SPRY3: variants seen among roughly 807,000 people sequenced by gnomAD.
The protein encoded by SPRY3 is sprouty RTK signaling antagonist 3, also known as protein sprouty homolog 3.
In SPRY3, 15 loss-of-function variants were observed where a neutral mutation model predicts 20.2. That is an observed-to-expected ratio of 0.74 (90% confidence interval 0.50 to 1.14). The LOEUF (loss-of-function observed/expected upper bound fraction) is 1.14. Among genes scored for constraint, SPRY3 ranks in the 50% most tolerant of loss-of-function variants. SPRY3 has a pLI of 0.00. For synonymous variants in SPRY3, 143 were observed against 136.5 expected, an observed-to-expected ratio of 1.05 and a Z score of -0.33; for missense variants, 364 against 363.9, an observed-to-expected ratio of 1.00 and a Z score of 0.00.
At position 155,653,898 on chromosome X, in the gene SPRY3, A is replaced by G. The variant is rs781861720; in HGVS notation, c.-440-2969A>G. Among the ~76,000 whole-genome samples the G allele has an allele frequency of 5.5e-4, 61 of 111,815 alleles. 1 individual carries two copies. The highest frequency in any genetic ancestry group is 3.0e-3 in the Admixed American group (32 of 10,549). ...TTACATATGGGGATTTCTCCACACC[A>G]ACAATCTATTCTCCTGTGGACACCC... On this transcript the variant is annotated intron_variant, in intron 1 of 3. Transcript: ENST00000675360.
At chrX:155,709,795 A>T (rs2090974028) in intron 2 of SPRY3, among the ~76,000 whole-genome samples, 1 of 151,650 alleles carries the variant, frequency 6.6e-6, no homozygotes, top group Admixed American at 6.6e-5. Flanking sequence ...TCATAAGTTT[A>T]GTCTTAGATT....
intron 1 of SPRY3, among the ~76,000 whole-genome samples, chrX:155,654,429 A>G (rs2067985676): frequency 9.0e-6 from 1 of 111,271 alleles, no homozygotes. Flanking sequence ...TCACCTGAAT[A>G]GTGGCTCTTA....
Position 155,656,015 on chromosome X carries a change from T to G in SPRY3, c.-440-852T>G, listed in dbSNP as rs782798222. On this transcript the variant is annotated intron_variant, in intron 1 of 3. Coordinates refer to ENST00000675360, the Ensembl canonical transcript of SPRY3. ...ATGTAGGTAACCTGACCTTTCTCTC[T>G]GGCTGCCCTTAACATTTTTTCCTGG... is the stretch of plus-strand genomic sequence containing the variant. 3.6e-5 allele frequency among the ~76,000 whole-genome samples: 4 copies of G among 112,187 alleles called. No individual in the cohort carries two copies. In the South Asian group the frequency reaches 1.5e-3, roughly 41 times the overall value.
intron 1 of SPRY3, among the ~76,000 whole-genome samples, chrX:155,623,452 T>C (rs1557349630): frequency 1.8e-5 from 2 of 112,149 alleles, no homozygotes; most frequent in Non-Finnish European, 3.8e-5. Flanking sequence ...TTCTTAGAAT[T>C]ATAGAATTTT....
chrX:155,634,103 C>T (rs899431967), intron 1 of SPRY3, among the ~76,000 whole-genome samples: 3 of 110,058 alleles, frequency 2.7e-5, no homozygotes, highest in Admixed American at 1.9e-4. Flanking sequence ...CAGAATCTAT[C>T]GCTTCGGTGA....
intron 2 of SPRY3, among the ~76,000 whole-genome samples, chrX:155,742,072 C>A (rs932429596): frequency 1.3e-5 from 2 of 152,066 alleles, no homozygotes; most frequent in African/African-American, 4.8e-5. Flanking sequence ...AGAGTGAAGA[C>A]CCATCAGTAT....
At chrX:155,749,751 G>T (rs2091250777) in intron 2 of SPRY3, among the ~76,000 whole-genome samples, 1 of 151,868 alleles carries the variant, frequency 6.6e-6, no homozygotes, top group Non-Finnish European at 1.5e-5. Flanking sequence ...CTAAGGTACT[G>T]TTTATTATAA....
At chrX:155,726,236 C>A (rs2091095876) in intron 2 of SPRY3, among the ~76,000 whole-genome samples, 1 of 151,984 alleles carries the variant, frequency 6.6e-6, no homozygotes, top group Non-Finnish European at 1.5e-5. Flanking sequence ...GCTTTACTAC[C>A]GATTATGTTG....
chrX:155,714,443 G>T (rs763162063), intron 2 of SPRY3, among the ~76,000 whole-genome samples: 1 of 152,154 alleles, frequency 6.6e-6, no homozygotes, highest in Non-Finnish European at 1.5e-5. Flanking sequence ...GGTGGTCTTA[G>T]ATAAGATCTG....
chrX:155,770,270 T>C (rs1230839776), intron 3 of SPRY3, among the ~76,000 whole-genome samples: 3 of 152,194 alleles, frequency 2.0e-5, no homozygotes, highest in Non-Finnish European at 2.9e-5. Context: ...AGAAGGGCTT[T>C]AGATAGGAAA....
At chrX:155,653,266 T>C (rs1057051255) in intron 1 of SPRY3, among the ~76,000 whole-genome samples, 13 of 111,888 alleles carry the variant, frequency 1.2e-4, no homozygotes, top group Admixed American at 2.9e-4. Flanking sequence ...CATTTTATGG[T>C]TTTTAAAATT....
chrX:155,699,641 TC>T (rs1399484665), intron 2 of SPRY3, among the ~76,000 whole-genome samples: 2 of 111,180 alleles, frequency 1.8e-5, no homozygotes, highest in Non-Finnish European at 3.8e-5. Context: ...AACCAGAACC[TC>T]TGGCATTATG....
At chrX:155,767,724 G>GGAGGAGGAGGAGAGAGA (rs1448642117) in intron 2 of SPRY3, 1 of 99,308 alleles carries the variant, frequency 1.0e-5, no homozygotes, top group Non-Finnish European at 1.9e-5. Context: ...AGGAGAAAGA[G>GGAGGAGGAGGAGAGAGA]GAGGAGGAGG....
rs782528799 is a variant in SPRY3, at chrX:155,650,504, A to C, written c.-440-6363A>C. On this transcript the variant is annotated intron_variant, in intron 1 of 3. Transcript: ENST00000675360. ...TGATTTATGACCCAGCATATGCTCA[A>C]CTTTTATAGATGTTTTATATGTATC... Among the ~76,000 whole-genome samples the C allele has an allele frequency of 4.5e-4, 51 of 112,178 alleles. 1 individual carries two copies. Among genetic ancestry groups the C allele is most frequent in the African/African-American group, 1.6e-3 (49 of 30,931 alleles).
chrX:155,738,150 G>C (rs1251774950), intron 2 of SPRY3, among the ~76,000 whole-genome samples: 1 of 151,734 alleles, frequency 6.6e-6, no homozygotes, highest in Admixed American at 6.6e-5. Context: ...TTATACCTGA[G>C]ACCAAAAGCA....
chrX:155,654,686 GGTGTGTGTGTGTGTGTGTGTGTGTGT>G (rs3067500), intron 1 of SPRY3, among the ~76,000 whole-genome samples: 3 of 85,942 alleles, frequency 3.5e-5, no homozygotes, highest in Admixed American at 1.3e-4. Context: ...AGTATTCCAT[GGTGTGTGTGTGTGTGTGTGTGTGTGT>G]GTGTGTGTGT....
chrX:155,715,553 G>T (rs1445286362), intron 2 of SPRY3, among the ~76,000 whole-genome samples: 1 of 151,590 alleles, frequency 6.6e-6, no homozygotes, highest in Non-Finnish European at 1.5e-5. Flanking sequence ...ATGAGAAGTA[G>T]TGCAAGAACT....
intron 2 of SPRY3, among the ~76,000 whole-genome samples, chrX:155,713,842 T>G (rs750282132): frequency 9.8e-5 from 15 of 152,306 alleles, no homozygotes; most frequent in African/African-American, 3.6e-4. Flanking sequence ...TTTGCCCTTT[T>G]GAGACTATTT....
At chrX:155,678,694 T>C (rs914291368) in intron 2 of SPRY3, among the ~76,000 whole-genome samples, 5 of 112,010 alleles carry the variant, frequency 4.5e-5, no homozygotes, top group Non-Finnish European at 9.4e-5. Flanking sequence ...AAAACTGTGA[T>C]GCCTTGCAAA....
Sources: gnomAD v4.1 joint callset for allele counts (sites outside exome capture counted in the v4.1 genomes callset) on GRCh38, gnomAD v4.1.1 for gene constraint, MANE v1.5 for transcripts, NCBI Gene and HGNC (gene_info 2026-07-23, HGNC 2026-07-21) for gene names.